Variants in PCDH9 observed in about 807,000 individuals in gnomAD.
PCDH9 encodes the protein protocadherin 9.
PCDH9 carries 24 observed loss-of-function variants against 70.6 expected under a neutral mutation model. That is an observed-to-expected ratio of 0.34 (90% CI 0.25 to 0.48). PCDH9 has a LOEUF of 0.48. Ranked by LOEUF, PCDH9 falls within the 20% of genes least tolerant of loss-of-function variation. PCDH9 has a pLI of 0.99. For synonymous variants in PCDH9, 562 were observed against 558.5 expected (o/e 1.01, Z -0.09); for missense variants, 1,281 against 1,503.6 (o/e 0.85, Z 2.45).
At chr13:66,347,561 G>A (rs570674614) in intron 4 of PCDH9, among the ~76,000 whole-genome samples, 2 of 152,108 alleles carry the variant, frequency 1.3e-5, no homozygotes, top group Non-Finnish European at 2.9e-5. Context: ...AATTCATCAT[G>A]TCTTCTTTCT....
chr13:67,032,251 T>G (rs1041901430), intron 2 of PCDH9, among the ~76,000 whole-genome samples: 2 of 152,230 alleles, frequency 1.3e-5, no homozygotes, highest in Non-Finnish European at 2.9e-5. Flanking sequence ...TCAAGCCATC[T>G]TCCCACCTCA....
intron 2 of PCDH9, among the ~76,000 whole-genome samples, chr13:66,908,131 T>C (rs1164145279): frequency 6.6e-6 from 1 of 152,204 alleles, no homozygotes; most frequent in African/African-American, 2.4e-5. Context: ...TCTTTAGAGA[T>C]CCACATGTAT....
intron 2 of PCDH9, among the ~76,000 whole-genome samples, chr13:67,187,161 T>C (rs1014416257): frequency 6.6e-6 from 1 of 152,174 alleles, no homozygotes; most frequent in Non-Finnish European, 1.5e-5. Context: ...CATGACGCTG[T>C]GAAAGACAAA....
At chr13:67,186,676 C>A (rs1456931272) in intron 2 of PCDH9, among the ~76,000 whole-genome samples, 1 of 152,090 alleles carries the variant, frequency 6.6e-6, no homozygotes, top group Non-Finnish European at 1.5e-5. Context: ...AAAAAATCAT[C>A]TGGATAATAA....
intron 2 of PCDH9, among the ~76,000 whole-genome samples, chr13:67,108,992 T>C (rs2086602962): frequency 6.6e-6 from 1 of 152,226 alleles, no homozygotes; most frequent in Non-Finnish European, 1.5e-5. Flanking sequence ...GTCAAAATCA[T>C]GTGGACTACT....
At position 67,077,257 on chromosome 13, in the gene PCDH9, C is replaced by T. The variant is rs552887875; in HGVS notation, c.3036+148148G>A. On this transcript the variant is annotated intron_variant, in intron 2 of 4. Transcript: ENST00000377865. ...CCCTGTCACTCTCTTTTCTCCAAAT[C>T]TCTGGCCCCTTACTGTCTGCTGAGC... Among the ~76,000 whole-genome samples, 8 of 152,330 alleles carry T rather than the reference C, an allele frequency of 5.3e-5. No individual in the cohort carries two copies. In the South Asian group the frequency reaches 1.7e-3, roughly 32 times the overall value.
intron 2 of PCDH9, among the ~76,000 whole-genome samples, chr13:66,993,845 G>A (rs2084052079): frequency 6.6e-6 from 1 of 152,090 alleles, no homozygotes; most frequent in Non-Finnish European, 1.5e-5. Flanking sequence ...GTGGCTAGAG[G>A]GAAATTGGAT....
intron 3 of PCDH9, among the ~76,000 whole-genome samples, chr13:66,871,032 T>C (rs1478613076): frequency 6.6e-6 from 1 of 152,060 alleles, no homozygotes; most frequent in Non-Finnish European, 1.5e-5. Flanking sequence ...ATGTGGCACA[T>C]ATACACCATG....
At chr13:67,104,991 C>CTCAAAGG (rs1352351149) in intron 2 of PCDH9, among the ~76,000 whole-genome samples, 1 of 152,132 alleles carries the variant, frequency 6.6e-6, no homozygotes, top group African/African-American at 2.4e-5. Flanking sequence ...TTTACAGGAT[C>CTCAAAGG]ATTGTACTCT....
chr13:66,587,086 A>G (rs953716421), intron 4 of PCDH9, among the ~76,000 whole-genome samples: 3 of 152,128 alleles, frequency 2.0e-5, no homozygotes, highest in African/African-American at 7.2e-5. Flanking sequence ...ACTTGAGCCC[A>G]TGAGTTCCAG....
intron 3 of PCDH9, among the ~76,000 whole-genome samples, chr13:66,735,995 T>C (rs775006583): frequency 6.6e-6 from 1 of 151,926 alleles, no homozygotes; most frequent in Non-Finnish European, 1.5e-5. Flanking sequence ...AAAGAAGACA[T>C]GATATATGTG....
At chr13:66,718,417 G>T (rs940654498) in intron 3 of PCDH9, among the ~76,000 whole-genome samples, 7 of 151,890 alleles carry the variant, frequency 4.6e-5, no homozygotes, top group African/African-American at 1.7e-4. Context: ...TTGTTGAGGG[G>T]GGATTTCAAT....
intron 3 of PCDH9, among the ~76,000 whole-genome samples, chr13:66,658,888 A>G (rs1159295779): frequency 6.6e-6 from 1 of 152,152 alleles, no homozygotes; most frequent in East Asian, 1.9e-4. Context: ...TATGTTTTAT[A>G]TCATATTCAT....
At chr13:66,370,252 A>G (rs185488931) in intron 4 of PCDH9, among the ~76,000 whole-genome samples, 4 of 152,126 alleles carry the variant, frequency 2.6e-5, no homozygotes, top group Admixed American at 2.6e-4. Flanking sequence ...ATCTAGAAAA[A>G]TAGAGTCCCT....
intron 2 of PCDH9, among the ~76,000 whole-genome samples, chr13:67,184,790 G>T (rs1036647246): frequency 1.2e-4 from 19 of 152,070 alleles, no homozygotes; most frequent in Admixed American, 3.3e-4. Flanking sequence ...TGATGTATTG[G>T]ATCTTAGTAA....
intron 4 of PCDH9, among the ~76,000 whole-genome samples, chr13:66,610,282 G>C (rs184251127): frequency 1.7e-3 from 258 of 151,368 alleles, no homozygotes; most frequent in Middle Eastern, 3.4e-3. Flanking sequence ...GAATGAGACA[G>C]AGAGAGAAAG....
rs572766919 is a variant in PCDH9 at position 67,078,440 on chromosome 13, A to G, written c.3036+146965T>C. 7.2e-5 allele frequency among the ~76,000 whole-genome samples: 11 copies of G among 152,076 alleles called. No homozygotes were observed. In the South Asian group the frequency reaches 1.9e-3, roughly 26 times the overall value. ...ATGAATGCCTTGTAGGTCTTTTACC[A>G]TCTTAGTGTCTGCTTCTGTTGGAGG... On this transcript the variant is annotated intron_variant, in intron 2 of 4. Transcript: ENST00000377865.
At chr13:66,656,358 C>T (rs1334395174) in intron 3 of PCDH9, among the ~76,000 whole-genome samples, 1 of 152,116 alleles carries the variant, frequency 6.6e-6, no homozygotes. Flanking sequence ...TTTCCATATT[C>T]AGTAGAGTTA....
chr13:66,568,273 C>A (rs1389360215), intron 4 of PCDH9, among the ~76,000 whole-genome samples: 1 of 152,176 alleles, frequency 6.6e-6, no homozygotes, highest in East Asian at 1.9e-4. Flanking sequence ...TGGTTGGCAC[C>A]TTGATCATGG....
Sources: gnomAD v4.1 joint callset for allele counts (sites outside exome capture counted in the v4.1 genomes callset) on GRCh38, gnomAD v4.1.1 for gene constraint, MANE v1.5 for transcripts, NCBI Gene and HGNC (gene_info 2026-07-23, HGNC 2026-07-21) for gene names.